The following DNM3 variants were observed in gnomAD, a reference collection of about 807,000 sequenced individuals.
DNM3 encodes dynamin-3.
Under a neutral mutation model 101.6 loss-of-function variants are expected in DNM3, and 47 were observed. The ratio of observed to expected loss-of-function variants is 0.46; its 90% CI spans 0.37 to 0.59. The LOEUF is 0.59. Among genes scored for constraint, DNM3 ranks in the 20% least tolerant of loss-of-function variants. The probability of loss-of-function intolerance (pLI) is 0.00; values close to 1 mark genes in which losing one functional copy is unlikely to be tolerated. For missense variants in DNM3, 849 were observed against 1,085.7 expected (o/e 0.78, Z 3.06); for synonymous variants, 385 against 387.9 (o/e 0.99, Z 0.09).
intron 14 of DNM3, among the ~76,000 whole-genome samples, chr1:172,208,248 G>A (rs567518706): frequency 6.6e-6 from 1 of 152,112 alleles, no homozygotes; most frequent in African/African-American, 2.4e-5. Flanking sequence ...TTAAATGTAA[G>A]GATCTACTTC....
intron 1 of DNM3, among the ~76,000 whole-genome samples, chr1:171,879,304 G>C (rs2036054961): frequency 6.6e-6 from 1 of 152,130 alleles, no homozygotes; most frequent in African/African-American, 2.4e-5. Flanking sequence ...GTATTGAGTA[G>C]CTATGTTTTA....
At chr1:172,262,269 C>T (rs772593697) in intron 15 of DNM3, among the ~76,000 whole-genome samples, 1 of 152,136 alleles carries the variant, frequency 6.6e-6, no homozygotes. Flanking sequence ...AGTTACCCCT[C>T]TGCAGAGGGC....
chr1:172,411,186 C>T lies in DNM3; in HGVS notation c.*3345C>T. On this transcript the variant is annotated 3_prime_UTR_variant, in exon 21 of 21. Transcript: ENST00000627582. The stretch of plus-strand genomic sequence containing the variant: ...TATTTTTTAAACTGTGATAATACAA[C>T]AGATAGCTTTGAATGATCTGCCATA... 1.0e-6 allele frequency: 1 copy of T among 985,156 alleles called. No homozygotes were observed. The highest frequency in any genetic ancestry group is 1.2e-6 in the Non-Finnish European group (1 of 829,768). The allele number at this position is 985,156 out of a possible 1,614,324, so 61.0% of individuals were successfully genotyped here.
chr1:172,266,282 C>G (rs1395367668), intron 15 of DNM3, among the ~76,000 whole-genome samples: 1 of 152,054 alleles, frequency 6.6e-6, no homozygotes, highest in Non-Finnish European at 1.5e-5. Context: ...AATGAATATT[C>G]TGGGTGGTAT....
intron 2 of DNM3, among the ~76,000 whole-genome samples, chr1:171,956,594 G>T (rs2042874985): frequency 1.3e-5 from 2 of 152,136 alleles, no homozygotes; most frequent in South Asian, 4.1e-4. Context: ...GCTGTCGGTG[G>T]ATCTACCATT....
chr1:172,144,258 C>G (rs1248525421), intron 14 of DNM3: 3 of 155,228 alleles, frequency 1.9e-5, no homozygotes, highest in Non-Finnish European at 4.3e-5. Context: ...TACATCTCTA[C>G]CCATCACACA....
At chr1:171,944,494 C>T (rs1398849120) in intron 2 of DNM3, among the ~76,000 whole-genome samples, 5 of 151,810 alleles carry the variant, frequency 3.3e-5, no homozygotes, top group South Asian at 4.2e-4. Context: ...TCCCACTACC[C>T]GCTGCAGTGG....
chr1:172,275,068 A>G (rs1223693995), intron 15 of DNM3, among the ~76,000 whole-genome samples: 1 of 152,062 alleles, frequency 6.6e-6, no homozygotes, highest in Non-Finnish European at 1.5e-5. Context: ...AGTCAAGGTT[A>G]ATTATTCCTA....
chr1:172,354,080 G>A (rs2067313129), intron 17 of DNM3, among the ~76,000 whole-genome samples: 1 of 123,412 alleles, frequency 8.1e-6, no homozygotes, highest in African/African-American at 3.2e-5. Context: ...AGGACATAAA[G>A]GTGTTGGGGT....
At chr1:172,386,030 G>C (rs928264296) in intron 18 of DNM3, among the ~76,000 whole-genome samples, 2 of 152,202 alleles carry the variant, frequency 1.3e-5, no homozygotes, top group Admixed American at 6.5e-5. Flanking sequence ...CCTAGCACAA[G>C]ATACTTAAAT....
At chr1:172,191,465 GTTC>G (rs2059720632) in intron 14 of DNM3, among the ~76,000 whole-genome samples, 1 of 152,112 alleles carries the variant, frequency 6.6e-6, no homozygotes. Context: ...CTCCAGCTTT[GTTC>G]TTTTGGCTTA....
chr1:172,295,148 A>G (rs2064105027), intron 15 of DNM3, among the ~76,000 whole-genome samples: 2 of 152,180 alleles, frequency 1.3e-5, no homozygotes, highest in South Asian at 4.1e-4. Flanking sequence ...AAACAAGAAG[A>G]CAACCCAAAG....
chr1:171,876,884 T>C (rs2035836326), intron 1 of DNM3, among the ~76,000 whole-genome samples: 1 of 152,230 alleles, frequency 6.6e-6, no homozygotes, highest in Non-Finnish European at 1.5e-5. Context: ...AAAGACTTCA[T>C]TTAGGAAGTT....
At chr1:172,392,424 G>A (rs1326617743) in intron 20 of DNM3, among the ~76,000 whole-genome samples, 3 of 67,338 alleles carry the variant, frequency 4.5e-5, no homozygotes, top group African/African-American at 9.3e-5. Context: ...CCAATCCAGT[G>A]TGTATTTATT....
intron 1 of DNM3, among the ~76,000 whole-genome samples, chr1:171,916,554 C>T (rs1366868959): frequency 6.6e-6 from 1 of 152,128 alleles, no homozygotes; most frequent in African/African-American, 2.4e-5. Context: ...TTAAATCCTG[C>T]CATTTGTCTT....
At chr1:172,136,700 A>T (rs537390129) in intron 14 of DNM3, 7 of 152,280 alleles carry the variant, frequency 4.6e-5, no homozygotes, top group Non-Finnish European at 2.9e-5. Flanking sequence ...AGTATTATTC[A>T]ATAAACCATA....
downstream of DNM3, among the ~76,000 whole-genome samples, chr1:172,415,536 T>TG (rs60283791): frequency 7.2e-6 from 1 of 139,498 alleles, no homozygotes; most frequent in Non-Finnish European, 1.6e-5. Flanking sequence ...TTTTTTTTTT[T>TG]TTTTTTTTTT....
chr1:172,271,530 T>C (rs532082665), intron 15 of DNM3, among the ~76,000 whole-genome samples: 7 of 152,232 alleles, frequency 4.6e-5, no homozygotes, highest in Middle Eastern at 3.4e-3. Flanking sequence ...CAATATGTTG[T>C]TTTGGTTGAA....
intron 14 of DNM3, among the ~76,000 whole-genome samples, chr1:172,182,986 T>C (rs1024403653): frequency 6.6e-6 from 1 of 152,076 alleles, no homozygotes; most frequent in Non-Finnish European, 1.5e-5. Flanking sequence ...GTATAGTTTC[T>C]ATCAAAAAAA....
Sources: allele counts gnomAD v4.1 joint callset (sites outside exome capture counted in the v4.1 genomes callset), GRCh38; gene constraint gnomAD v4.1.1; transcripts MANE v1.5; gene names NCBI Gene and HGNC (gene_info 2026-07-23, HGNC 2026-07-21).